CTIF: variants seen among roughly 807,000 people sequenced by gnomAD.
CTIF encodes the protein CBP80/20-dependent translation initiation factor.
A neutral mutation model predicts 66.0 loss-of-function variants in CTIF; 21 were observed. That is an observed-to-expected ratio of 0.32 (90% CI 0.23 to 0.46). The LOEUF (loss-of-function observed/expected upper bound fraction) is 0.46. Among genes scored for constraint, CTIF ranks in the 20% least tolerant of loss-of-function variants. The pLI, the probability that CTIF is intolerant of heterozygous loss-of-function variation, is 1.00. For synonymous variants in CTIF, 345 were observed against 326.4 expected, an observed-to-expected ratio of 1.06 and a Z score of -0.62; for missense variants, 739 against 812.7, an observed-to-expected ratio of 0.91 and a Z score of 1.10.
intron 1 of CTIF, among the ~76,000 whole-genome samples, chr18:48,602,696 C>T (rs566980825): frequency 3.9e-5 from 6 of 152,302 alleles, no homozygotes; most frequent in African/African-American, 1.4e-4. Flanking sequence ...CCCTTGATGT[C>T]ATAACTGTGT....
intron 3 of CTIF, among the ~76,000 whole-genome samples, chr18:48,655,809 G>A (rs189507450): frequency 4.6e-4 from 70 of 152,280 alleles, no homozygotes; most frequent in African/African-American, 1.6e-3. Context: ...CCCAACAATA[G>A]AGAGCATCCT....
chr18:48,843,159 C>A (rs771908524), intron 10 of CTIF, among the ~76,000 whole-genome samples: 3 of 146,904 alleles, frequency 2.0e-5, no homozygotes, highest in Admixed American at 6.7e-5. Flanking sequence ...CTCTGTTGTG[C>A]AGAGTCAGAC....
At position 48,862,808 on chromosome 18, in the gene CTIF, G is replaced by T. The variant is rs1006972002; in HGVS notation, c.*3249G>T. The T allele has an allele frequency of 6.6e-6, 1 of 152,234 alleles. No homozygotes were observed. Among genetic ancestry groups the T allele is most frequent in the African/African-American group, 2.4e-5 (1 of 41,436 alleles). 9.4% of individuals were successfully genotyped at this position (152,234 alleles called of 1,614,324 possible). On this transcript the variant is annotated 3_prime_UTR_variant, in exon 12 of 12. Transcript: ENST00000256413. ...CAGCCCCATGGGGTGCCCCAGACGCGGGCCTCCAAGAAGCCAAGTCCCAGT... is the reference window on the plus strand; with the variant it reads ...CAGCCCCATGGGGTGCCCCAGACGCTGGCCTCCAAGAAGCCAAGTCCCAGT...
At chr18:48,545,370 G>T (rs2088721084) in intron 1 of CTIF, among the ~76,000 whole-genome samples, 1 of 151,728 alleles carries the variant, frequency 6.6e-6, no homozygotes, top group South Asian at 2.1e-4. Context: ...GGCGGCCATG[G>T]GACTGGTGAG....
At chr18:48,726,153 A>G (rs554275608) in intron 7 of CTIF, among the ~76,000 whole-genome samples, 3 of 152,344 alleles carry the variant, frequency 2.0e-5, no homozygotes, top group South Asian at 2.1e-4. Context: ...CTTATTGCCT[A>G]TATTTGTGTT....
At chr18:48,560,602 GT>G (rs984738475) in intron 1 of CTIF, among the ~76,000 whole-genome samples, 3 of 152,036 alleles carry the variant, frequency 2.0e-5, no homozygotes, top group African/African-American at 7.2e-5. Flanking sequence ...ACAGAATCTT[GT>G]TCTGATGCCC....
intron 9 of CTIF, among the ~76,000 whole-genome samples, chr18:48,787,519 C>T (rs7237534): frequency 0.085 from 12,944 of 152,188 alleles, 657 homozygotes; most frequent in African/African-American, 0.13. Context: ...AGGCCTCAGC[C>T]GCCTCCATTC....
Position 48,641,664 on chromosome 18 carries a change from C to A in CTIF, c.252+4979C>A, listed in dbSNP as rs192248296. On this transcript the variant is annotated intron_variant, in intron 3 of 11. Coordinates refer to ENST00000256413, the MANE Select transcript of CTIF (RefSeq NM_014772.3). Reference sequence around the variant, plus strand: ...ACCAGATGTTGACCCAGGAGTGACACTGGCTCCAAGCACCTATTCAGAAAA... The same window carrying A: ...ACCAGATGTTGACCCAGGAGTGACAATGGCTCCAAGCACCTATTCAGAAAA... 8.3e-4 allele frequency among the ~76,000 whole-genome samples: 126 copies of A among 152,368 alleles called. 3 individuals carry two copies. Among genetic ancestry groups the A allele is most frequent in the African/African-American group, 2.9e-3 (122 of 41,584 alleles).
chr18:48,553,512 G>A (rs1165835170), intron 1 of CTIF, among the ~76,000 whole-genome samples: 2 of 152,176 alleles, frequency 1.3e-5, no homozygotes, highest in Admixed American at 1.3e-4. Flanking sequence ...AACAAGGATT[G>A]TTAACCTGCA....
intron 2 of CTIF, among the ~76,000 whole-genome samples, chr18:48,635,542 G>A (rs1445175475): frequency 6.6e-5 from 10 of 151,916 alleles, no homozygotes; most frequent in Admixed American, 6.6e-4. Context: ...GCCCAGGCTG[G>A]TCTCAGACTC....
chr18:48,588,784 C>A (rs1390349175), intron 1 of CTIF, among the ~76,000 whole-genome samples: 1 of 152,200 alleles, frequency 6.6e-6, no homozygotes, highest in African/African-American at 2.4e-5. Context: ...GGAGTCACTG[C>A]TGTCTCTTTA....
At position 48,746,284 on chromosome 18, in the gene CTIF, C is replaced by G. The variant is rs144918925; in HGVS notation, c.585-11635C>G. Among the ~76,000 whole-genome samples the G allele has an allele frequency of 3.3e-5, 5 of 152,080 alleles. No homozygotes were observed. In the South Asian group the frequency reaches 6.3e-4, roughly 19 times the overall value. On this transcript the variant is annotated intron_variant, in intron 7 of 11. Coordinates refer to ENST00000256413, the MANE Select transcript of CTIF (RefSeq NM_014772.3). ...CAGCCCCCAGGCACACCCATGACAC[C>G]TGCCTGCTCTCAGAGGTGCCCCAGG...
In CTIF at chr18:48,730,570, C is replaced by A. The variant is rs1423344083; in HGVS notation, c.584+18875C>A. ...GCTTCTGCTGTGTGAGGGGCTTCTG[C>A]GGTGTGAGGGGCCCCTGTGGTGTGA... On this transcript the variant is annotated intron_variant, in intron 7 of 11. Coordinates refer to ENST00000256413, the MANE Select transcript of CTIF (RefSeq NM_014772.3). Among the ~76,000 whole-genome samples the A allele has an allele frequency of 6.4e-5, 2 of 31,010 alleles. 1 individual carries two copies. The highest frequency in any genetic ancestry group is 4.8e-3 in the South Asian group (2 of 420). 20.3% of individuals were successfully genotyped at this position (31,010 alleles called of 152,430 possible). A position where few individuals can be genotyped will look rare whatever the true frequency, so the allele number is the denominator to read the frequency against.
intron 3 of CTIF, among the ~76,000 whole-genome samples, chr18:48,641,086 G>T (rs931645795): frequency 7.2e-5 from 11 of 152,226 alleles, no homozygotes; most frequent in Non-Finnish European, 5.9e-5. Context: ...TAGTCATTTA[G>T]TTAGGACGTC....
intron 6 of CTIF, among the ~76,000 whole-genome samples, chr18:48,699,588 C>T (rs953886172): frequency 1.3e-5 from 2 of 152,124 alleles, no homozygotes; most frequent in Non-Finnish European, 1.5e-5. Context: ...GGGGTTTGGG[C>T]GGCTGCTTCC....
intron 1 of CTIF, among the ~76,000 whole-genome samples, chr18:48,546,636 G>C (rs914843141): frequency 1.3e-5 from 2 of 152,132 alleles, no homozygotes; most frequent in Non-Finnish European, 2.9e-5. Flanking sequence ...GGGGTTGGGA[G>C]AGGTGTTGAG....
At chr18:48,825,258 G>GC (rs753750077) in intron 10 of CTIF, among the ~76,000 whole-genome samples, 10 of 151,922 alleles carry the variant, frequency 6.6e-5, no homozygotes, top group South Asian at 2.1e-4. Context: ...AATCCCATCT[G>GC]CCCCTCCCTG....
intron 5 of CTIF, 110 bp from the exon 6 acceptor site, chr18:48,670,559 G>A (rs2091514068): frequency 4.2e-6 from 4 of 945,440 alleles, no homozygotes; most frequent in Non-Finnish European, 6.8e-6. Context: ...GGGCTTGAGG[G>A]TGGGCAGCAC....
intron 9 of CTIF, among the ~76,000 whole-genome samples, chr18:48,764,028 C>G (rs113697378): frequency 6.6e-6 from 1 of 152,154 alleles, no homozygotes; most frequent in African/African-American, 2.4e-5. Flanking sequence ...CACCCCCCAT[C>G]AGCCAGGCTG....
Sources: allele counts gnomAD v4.1 joint callset (sites outside exome capture counted in the v4.1 genomes callset), GRCh38; gene constraint gnomAD v4.1.1; transcripts MANE v1.5; gene names NCBI Gene and HGNC (gene_info 2026-07-23, HGNC 2026-07-21).